Variants in ALCAM observed in about 807,000 individuals in gnomAD.
ALCAM encodes the protein CD166 antigen.
Under a neutral mutation model 70.9 loss-of-function variants are expected in ALCAM, and 30 were observed. The observed-to-expected ratio is 0.42, with a 90% CI of 0.32 to 0.57. ALCAM has a LOEUF of 0.57. ALCAM is among the 20% of genes least tolerant of loss of function. The pLI is 0.11. For missense variants in ALCAM, 591 were observed against 695.1 expected (o/e 0.85, Z 1.68); for synonymous variants, 249 against 242.5 (o/e 1.03, Z -0.25).
chr3:105,495,773 G>A (rs1938720058), intron 1 of ALCAM, among the ~76,000 whole-genome samples: 1 of 152,150 alleles, frequency 6.6e-6, no homozygotes, highest in African/African-American at 2.4e-5. Context: ...ACAGGTTGAT[G>A]GTTCTACCTA....
At chr3:105,497,795 G>C (rs1382658796) in intron 1 of ALCAM, among the ~76,000 whole-genome samples, 2 of 152,130 alleles carry the variant, frequency 1.3e-5, no homozygotes, top group Non-Finnish European at 2.9e-5. Context: ...ACTTTGGGAG[G>C]CCGAGGCGGG....
chr3:105,551,530 T>C (rs541019020), intron 12 of ALCAM, among the ~76,000 whole-genome samples: 2 of 151,772 alleles, frequency 1.3e-5, no homozygotes, highest in Admixed American at 1.3e-4. Flanking sequence ...TTGAAGTTTA[T>C]TTATAGAGTT....
intron 14 of ALCAM, among the ~76,000 whole-genome samples, chr3:105,568,526 G>T (rs1940794091): frequency 6.6e-6 from 1 of 152,098 alleles, no homozygotes; most frequent in Non-Finnish European, 1.5e-5. Flanking sequence ...AATCTATCAG[G>T]CTTCTAAGCC....
At chr3:105,559,562 G>A (rs917003419) in intron 14 of ALCAM, among the ~76,000 whole-genome samples, 6 of 151,968 alleles carry the variant, frequency 3.9e-5, no homozygotes, top group East Asian at 3.9e-4. Context: ...AATCTCATTC[G>A]TAAGGGCTCC....
In ALCAM at chr3:105,572,871, G is replaced by A. The variant is rs576158295; in HGVS notation, c.*25+907G>A. On this transcript the variant is annotated intron_variant, in intron 15 of 15. Coordinates refer to ENST00000306107, the MANE Select transcript of ALCAM (RefSeq NM_001627.4). Reference sequence around the variant, plus strand: ...CTTCTGAATAATAAAAACCAACTATGAGATGTTAACATTCAACTATCATTT... The same window carrying A: ...CTTCTGAATAATAAAAACCAACTATAAGATGTTAACATTCAACTATCATTT... Among the ~76,000 whole-genome samples the A allele has an allele frequency of 7.2e-5, 11 of 152,226 alleles. 1 individual carries two copies. In the South Asian group the frequency reaches 2.1e-3, roughly 29 times the overall value.
chr3:105,469,554 G>C (rs1937860139), intron 1 of ALCAM, among the ~76,000 whole-genome samples: 1 of 151,108 alleles, frequency 6.6e-6, no homozygotes, highest in African/African-American at 2.4e-5. Context: ...AATGGCCCTA[G>C]GTGAGTTTGG....
intron 1 of ALCAM, among the ~76,000 whole-genome samples, chr3:105,462,135 A>G (rs1449820582): frequency 1.3e-5 from 2 of 151,748 alleles, no homozygotes; most frequent in Non-Finnish European, 3.0e-5. Flanking sequence ...AAGCTAATAA[A>G]AATTTAGAAA....
chr3:105,433,588 C>G (rs1207537543), intron 1 of ALCAM, among the ~76,000 whole-genome samples: 1 of 151,268 alleles, frequency 6.6e-6, no homozygotes, highest in Non-Finnish European at 1.5e-5. Flanking sequence ...TTGAATCTAC[C>G]AATTAAAGTC....
chr3:105,512,876 T>G (rs1026439165), intron 1 of ALCAM, among the ~76,000 whole-genome samples: 1 of 151,876 alleles, frequency 6.6e-6, no homozygotes, highest in African/African-American at 2.4e-5. Flanking sequence ...AATAGTCAAC[T>G]TTCGGAACTT....
In ALCAM at chr3:105,524,474, C is replaced by T. The variant is rs753780904; in HGVS notation, c.360C>T (p.Asn120=). 29 of 1,613,950 alleles carry T rather than the reference C, an allele frequency of 1.8e-5. No individual in the cohort carries two copies. The highest frequency in any genetic ancestry group is 1.0e-4 in the Admixed American group (6 of 60,002). ...TGTGCATGCTAGTAACTGAGGACAACGTGTTTGAGGCACCTACAATAGTCA... is the reference window on the plus strand; with the variant it reads ...TGTGCATGCTAGTAACTGAGGACAATGTGTTTGAGGCACCTACAATAGTCA... ...RFVCMLVTED[N]VFEAPTIVKV... Residue 120 remains asparagine, a synonymous_variant, in exon 3 of 16, where the codon AAC becomes AAT. Transcript: ENST00000306107.
At chr3:105,410,551 G>C (rs887429333) in intron 1 of ALCAM, among the ~76,000 whole-genome samples, 1 of 151,858 alleles carries the variant, frequency 6.6e-6, no homozygotes, top group Non-Finnish European at 1.5e-5. Context: ...TAATACCACC[G>C]TATTGTCTGT....
Position 105,546,211 on chromosome 3 carries a change from G to A in ALCAM, c.1104+876G>A, listed in dbSNP as rs1431360280. On this transcript the variant is annotated intron_variant, in intron 9 of 15. Transcript: ENST00000306107. ...GTGACAAGAACCCTTAACCCATGAT[G>A]GGTTCAGAAAACAACACATACCATT... 4.6e-5 allele frequency among the ~76,000 whole-genome samples: 3 copies of A among 64,704 alleles called. No homozygotes were observed. The East Asian group carries it at 2.0e-3, about 43-fold the overall frequency. 42.4% of individuals were successfully genotyped at this position (64,704 alleles called of 152,430 possible). A position where few individuals can be genotyped will look rare whatever the true frequency, so the allele number is the denominator to read the frequency against.
rs1284079363 is a variant in ALCAM at position 105,567,589 on chromosome 3, A to G, written c.1665-4263A>G. ...AATCTGATGTTAAGAGCATTTAGTG[A>G]ATTGTTCAATATCAATATTCTAGTT... On this transcript the variant is annotated intron_variant, in intron 14 of 15. Coordinates refer to ENST00000306107, the MANE Select transcript of ALCAM (RefSeq NM_001627.4). Among the ~76,000 whole-genome samples the G allele has an allele frequency of 2.0e-5, 3 of 152,202 alleles. No homozygotes were observed. In the East Asian group the frequency reaches 5.8e-4, roughly 29 times the overall value.
intron 1 of ALCAM, among the ~76,000 whole-genome samples, chr3:105,442,258 C>T (rs1302581116): frequency 6.6e-6 from 1 of 152,018 alleles, no homozygotes; most frequent in Admixed American, 6.6e-5. Context: ...ACATTTAGGG[C>T]CCTGTTACCT....
intron 1 of ALCAM, among the ~76,000 whole-genome samples, chr3:105,416,838 T>G (rs1318088045): frequency 6.6e-6 from 1 of 152,032 alleles, no homozygotes; most frequent in Admixed American, 6.6e-5. Context: ...CTGCAATAGC[T>G]AACTCATCTC....
chr3:105,464,681 G>A (rs1245556070), intron 1 of ALCAM, among the ~76,000 whole-genome samples: 1 of 151,458 alleles, frequency 6.6e-6, no homozygotes, highest in African/African-American at 2.4e-5. Flanking sequence ...GCATTTTAAT[G>A]TGAGGACTCT....
chr3:105,522,043 AC>A (rs1365217593), intron 2 of ALCAM, among the ~76,000 whole-genome samples: 1 of 152,164 alleles, frequency 6.6e-6, no homozygotes. Context: ...GTGATGGCAA[AC>A]TTTGATGATC....
At chr3:105,549,432 C>T (rs1940338939) in intron 11 of ALCAM, among the ~76,000 whole-genome samples, 1 of 151,384 alleles carries the variant, frequency 6.6e-6, no homozygotes, top group South Asian at 2.1e-4. Flanking sequence ...GGAATGAGTT[C>T]ATAAGATGAC....
intron 6 of ALCAM, among the ~76,000 whole-genome samples, chr3:105,539,473 C>A (rs1266853380): frequency 1.3e-5 from 2 of 151,986 alleles, no homozygotes; most frequent in Non-Finnish European, 2.9e-5. Context: ...TTAAGCAGAT[C>A]TTCTCTCCTG....
Sources: gnomAD v4.1 joint callset for allele counts (sites outside exome capture counted in the v4.1 genomes callset) on GRCh38, gnomAD v4.1.1 for gene constraint, MANE v1.5 for transcripts, NCBI Gene and HGNC (gene_info 2026-07-23, HGNC 2026-07-21) for gene names.